Variants in TC2N observed in about 807,000 individuals in gnomAD.
TC2N encodes the protein tandem C2 domains, nuclear.
Under a neutral mutation model 61.9 loss-of-function variants are expected in TC2N, and 51 were observed. That is an observed-to-expected ratio of 0.82 (90% CI 0.66 to 1.04). TC2N has a LOEUF of 1.04. Among genes scored for constraint, TC2N ranks in the 50% least tolerant of loss-of-function variants. The pLI, the probability that TC2N is intolerant of heterozygous loss-of-function variation, is 0.00. For missense variants in TC2N, 556 were observed against 566.7 expected (o/e 0.98, Z 0.19); for synonymous variants, 204 against 192.6 (o/e 1.06, Z -0.49).
At chr14:91,846,850 G>C (rs1407803946) in intron 1 of TC2N, among the ~76,000 whole-genome samples, 1 of 152,166 alleles carries the variant, frequency 6.6e-6, no homozygotes, top group Non-Finnish European at 1.5e-5. Flanking sequence ...CCATGGCTGA[G>C]GTGACACTAA....
chr14:91,812,570 C>A (rs1267715305), intron 2 of TC2N, 25 bp from the exon 3 acceptor site: 2 of 1,196,524 alleles, frequency 1.7e-6, no homozygotes, highest in African/African-American at 3.0e-5. Context: ...AAAAAAAAGT[C>A]ACAAATATGA....
chr14:91,785,054 C>T, intron 11 of TC2N, 108 bp downstream of exon 11: 2 of 665,390 alleles, frequency 3.0e-6, no homozygotes, highest in Non-Finnish European at 4.8e-6. Context: ...ATTTATGATG[C>T]TGAAGAACTG....
chr14:91,862,935 C>T (rs1255260729), intron 1 of TC2N, among the ~76,000 whole-genome samples: 1 of 152,242 alleles, frequency 6.6e-6, no homozygotes, highest in East Asian at 1.9e-4. Flanking sequence ...CTCTGTATGA[C>T]TTCTGAGTTG....
In TC2N at chr14:91,792,559, C is replaced by T; in HGVS notation, c.856-1G>A. 7.0e-7 allele frequency: 1 copy of T among 1,436,494 alleles called. No individual in the cohort carries two copies. The highest frequency in any genetic ancestry group is 9.4e-7 in the Non-Finnish European group (1 of 1,061,782). The allele number at this position is 1,436,494 out of a possible 1,614,324, so 89.0% of individuals were successfully genotyped here. Reference sequence around the variant, plus strand: ...CAAACGTTTCCATAAATTCAATAGCCTTAAAAAAAAAACAAGAAAACATAA... The same window carrying T: ...CAAACGTTTCCATAAATTCAATAGCTTTAAAAAAAAAACAAGAAAACATAA... On this transcript the variant is annotated splice_acceptor_variant, in intron 8 of 11. Transcript: ENST00000435962. LOFTEE classifies it high-confidence loss of function.
At position 91,867,248 on chromosome 14, in the gene TC2N, T is replaced by C. The variant is rs1047516401; in HGVS notation, c.-57+14A>G. ...CTTCCCAGTTTTCTTTTTGAGAAGT[T>C]CATGGAGACTTACCCCTGTGTTCTG... On this transcript the variant is annotated intron_variant, in intron 1 of 11. Transcript: ENST00000435962. 2 of 152,182 alleles carry C rather than the reference T, an allele frequency of 1.3e-5. No individual in the cohort carries two copies. Among genetic ancestry groups the C allele is most frequent in the Admixed American group, 6.5e-5 (1 of 15,286 alleles). 9.4% of individuals were successfully genotyped at this position (152,182 alleles called of 1,614,324 possible).
At chr14:91,838,125 C>A (rs1397250727) in intron 1 of TC2N, among the ~76,000 whole-genome samples, 1 of 150,108 alleles carries the variant, frequency 6.7e-6, no homozygotes, top group Non-Finnish European at 1.5e-5. Context: ...AATATTCATT[C>A]TGTCTCTCTC....
At chr14:91,792,607 A>G (rs757500255) in intron 8 of TC2N, 49 bp from the exon 9 acceptor site, 82 of 846,838 alleles carry the variant, frequency 9.7e-5, no homozygotes, top group Non-Finnish European at 1.3e-4. Flanking sequence ...AAAGGCTTAT[A>G]TGCCAATACA....
intron 1 of TC2N, among the ~76,000 whole-genome samples, chr14:91,823,890 AAAC>A (rs200435387): frequency 4.5e-4 from 69 of 152,278 alleles, no homozygotes; most frequent in Middle Eastern, 6.8e-3. Context: ...ATCAATTAAA[AAAC>A]AACAACAACA....
At chr14:91,788,230 A>G (rs1885461207) in intron 9 of TC2N, among the ~76,000 whole-genome samples, 1 of 152,140 alleles carries the variant, frequency 6.6e-6, no homozygotes, top group Non-Finnish European at 1.5e-5. Context: ...CCTGAGGCAA[A>G]CGGCAAAATG....
chr14:91,820,069 G>A (rs1264032048), intron 1 of TC2N, among the ~76,000 whole-genome samples: 1 of 152,062 alleles, frequency 6.6e-6, no homozygotes, highest in Non-Finnish European at 1.5e-5. Flanking sequence ...TCACAAGTGT[G>A]AATACTTTAA....
chr14:91,812,344 T>C lies in TC2N; in HGVS notation c.269A>G (p.Gln90Arg). Residue 90 changes from glutamine (Q) to arginine (R), a missense_variant, in exon 3 of 12, where the codon CAA becomes CGA. Gln to Arg is a conservative substitution (Grantham distance 43, BLOSUM62 1). Transcript: ENST00000435962. ...FKLSYIQPRT[Q>R]ETPSHLEELE... ...TTCTTCCAGATGTGAAGGAGTTTCTTGTGTCCTGGGTTGAATGTAAGATAA... is the reference window on the plus strand; with the variant it reads ...TTCTTCCAGATGTGAAGGAGTTTCTCGTGTCCTGGGTTGAATGTAAGATAA... 3 of 1,606,200 alleles carry C rather than the reference T, an allele frequency of 1.9e-6. No individual in the cohort carries two copies. Among genetic ancestry groups the C allele is most frequent in the Non-Finnish European group, 2.6e-6 (3 of 1,175,110 alleles).
At chr14:91,849,243 G>T (rs142466505) in intron 1 of TC2N, among the ~76,000 whole-genome samples, 1 of 152,060 alleles carries the variant, frequency 6.6e-6, no homozygotes, top group Non-Finnish European at 1.5e-5. Context: ...AGAGTTGATT[G>T]GTTCATGAGA....
chr14:91,790,192 G>A (rs765722405), intron 9 of TC2N, among the ~76,000 whole-genome samples: 4 of 152,132 alleles, frequency 2.6e-5, no homozygotes, highest in Non-Finnish European at 5.9e-5. Context: ...TCAGGAAAAC[G>A]TATTTCTTCC....
intron 1 of TC2N, among the ~76,000 whole-genome samples, chr14:91,824,111 A>C (rs1180540623): frequency 6.6e-6 from 1 of 152,222 alleles, no homozygotes; most frequent in African/African-American, 2.4e-5. Flanking sequence ...ATATGGGGAC[A>C]TTTAGCTAGA....
chr14:91,816,070 AG>A (rs1886989610), intron 1 of TC2N, among the ~76,000 whole-genome samples: 1 of 151,802 alleles, frequency 6.6e-6, no homozygotes, highest in Admixed American at 6.6e-5. Context: ...TGTTATTAGA[AG>A]TAGTGCCACA....
intron 1 of TC2N, among the ~76,000 whole-genome samples, chr14:91,852,888 G>A (rs1015944251): frequency 1.3e-4 from 20 of 152,042 alleles, no homozygotes; most frequent in Admixed American, 4.6e-4. Context: ...TGGCTAACAC[G>A]GTGAAACCCC....
chr14:91,860,237 A>G (rs1005946227), intron 1 of TC2N, among the ~76,000 whole-genome samples: 1 of 152,034 alleles, frequency 6.6e-6, no homozygotes, highest in African/African-American at 2.4e-5. Flanking sequence ...TTCCCATAGC[A>G]GACAGCAGCA....
chr14:91,794,505 T>C (rs936920017), intron 8 of TC2N, among the ~76,000 whole-genome samples: 2 of 152,190 alleles, frequency 1.3e-5, no homozygotes, highest in Non-Finnish European at 2.9e-5. Flanking sequence ...AACACTCACT[T>C]ACCGTTTTGA....
At chr14:91,821,275 TAAATC>T (rs893291987) in intron 1 of TC2N, among the ~76,000 whole-genome samples, 7 of 151,980 alleles carry the variant, frequency 4.6e-5, no homozygotes, top group African/African-American at 1.7e-4. Context: ...GACAGATAAA[TAAATC>T]AATAGAATTA....
Sources: gnomAD v4.1 joint callset for allele counts (sites outside exome capture counted in the v4.1 genomes callset) on GRCh38, gnomAD v4.1.1 for gene constraint, MANE v1.5 for transcripts, NCBI Gene and HGNC (gene_info 2026-07-23, HGNC 2026-07-21) for gene names.